IGHMBP2: variants seen among roughly 807,000 people sequenced by gnomAD.
The protein encoded by IGHMBP2 is DNA-binding protein SMUBP-2.
A neutral mutation model predicts 96.0 loss-of-function variants in IGHMBP2; 81 were observed. The observed-to-expected ratio is 0.84, with a 90% CI of 0.71 to 1.01. The LOEUF is 1.01. IGHMBP2 is among the 50% of genes least tolerant of loss of function. IGHMBP2 has a pLI of 0.00. For synonymous variants in IGHMBP2, 557 were observed against 548.9 expected (o/e 1.01, Z -0.21); for missense variants, 1,227 against 1,306.3 (o/e 0.94, Z 0.94).
intron 5 of IGHMBP2, 40 bp downstream of exon 5, chr11:68,911,643 C>T: frequency 1.9e-6 from 3 of 1,603,758 alleles, no homozygotes; most frequent in African/African-American, 1.3e-5. Context: ...AGCCCGTCCG[C>T]TCCTGGTCTG....
chr11:68,936,394 G>T lies in IGHMBP2; in HGVS notation c.1914G>T (p.Thr638=). The change falls in exon 13 of 15, where the codon ACG becomes ACT. Residue 638 remains threonine, a synonymous_variant. Coordinates refer to ENST00000255078, the MANE Select transcript of IGHMBP2 (RefSeq NM_002180.3). The part of the protein sequence containing the change: ...EYFTQHGEVR[T]AFEYLDDIVP... Reference sequence around the variant, plus strand: ...TCACACAGCATGGGGAAGTACGCACGGCCTTTGAGTATCTTGACGATATTG... The same window carrying T: ...TCACACAGCATGGGGAAGTACGCACTGCCTTTGAGTATCTTGACGATATTG... 6.2e-7 allele frequency: 1 copy of T among 1,614,190 alleles called. No homozygotes were observed. The highest frequency in any genetic ancestry group is 8.5e-7 in the Non-Finnish European group (1 of 1,180,040).
intron 11 of IGHMBP2, among the ~76,000 whole-genome samples, chr11:68,935,013 A>G (rs1330602289): frequency 3.3e-5 from 5 of 152,376 alleles, no homozygotes; most frequent in African/African-American, 1.2e-4. Context: ...GGAAGTGGCC[A>G]TCATACCTTC....
At chr11:68,909,185 T>TA (rs1555242834) in intron 4 of IGHMBP2, among the ~76,000 whole-genome samples, 4 of 11,044 alleles carry the variant, frequency 3.6e-4, no homozygotes, top group African/African-American at 1.2e-3. Context: ...GCGGGGGGGG[T>TA]GGAGGGGGGG....
In IGHMBP2 at chr11:68,906,166, C is replaced by T. The variant is rs768631087; in HGVS notation, c.184C>T (p.Arg62Trp). 5.0e-6 allele frequency: 8 copies of T among 1,614,052 alleles called. No homozygotes were observed. Among genetic ancestry groups the T allele is most frequent in the Admixed American group, 1.7e-5 (1 of 59,990 alleles). The stretch of plus-strand genomic sequence containing the variant: ...CAGCCAGCGCACTGGGCTGTACGGA[C>T]GGCTGCTGGTCACCTTTGAGCCCAG... ...VSSQRTGLYG[R>W]LLVTFEPRRY... Residue 62 changes from arginine to tryptophan, a missense_variant, in exon 2 of 15, where the codon CGG (arginine) becomes TGG (tryptophan). This residue lies in a region of IGHMBP2 where 507 missense variants were observed against 496.9 expected (regional missense o/e 1.02). Coordinates refer to ENST00000255078, the MANE Select transcript of IGHMBP2 (RefSeq NM_002180.3).
chr11:68,913,159 G>T (rs1858512876), intron 5 of IGHMBP2, among the ~76,000 whole-genome samples: 1 of 151,966 alleles, frequency 6.6e-6, no homozygotes, highest in Non-Finnish European at 1.5e-5. Flanking sequence ...CAGAGCGCAG[G>T]GAAGCCTGTC....
At chr11:68,919,193 G>A (rs1161963719) in intron 7 of IGHMBP2, among the ~76,000 whole-genome samples, 2 of 136,668 alleles carry the variant, frequency 1.5e-5, no homozygotes, top group African/African-American at 5.3e-5. Flanking sequence ...TCCCCTCCCC[G>A]TCCCCGTCCC....
At chr11:68,910,099 C>G (rs1858373702) in intron 4 of IGHMBP2, among the ~76,000 whole-genome samples, 1 of 152,220 alleles carries the variant, frequency 6.6e-6, no homozygotes, top group Admixed American at 6.5e-5. Context: ...TACCCCACAG[C>G]TATTTTCTAT....
chr11:68,906,277 T>A, intron 2 of IGHMBP2, 39 bp downstream of exon 2: 1 of 1,604,078 alleles, frequency 6.2e-7, no homozygotes. Context: ...TGAAATTTAC[T>A]GGCATTCAGA....
rs79778807 is a variant in IGHMBP2, at chr11:68,917,631, G to C, written c.913-105G>C. 383 of 924,862 alleles carry C rather than the reference G, an allele frequency of 4.1e-4. 4 individuals carry two copies. The East Asian group carries it at 9.1e-3, about 22-fold the overall frequency. 57.3% of individuals were successfully genotyped at this position (924,862 alleles called of 1,614,324 possible). On this transcript the variant is annotated intron_variant, in intron 6 of 14. Transcript: ENST00000255078. ...AGGAAGATTTCTGAGTGTTTTTTACGGAGTTTATTGAACTGGACTGAATGA... is the reference window on the plus strand; with the variant it reads ...AGGAAGATTTCTGAGTGTTTTTTACCGAGTTTATTGAACTGGACTGAATGA...
chr11:68,908,410 C>A (rs186709308), intron 3 of IGHMBP2, 73 bp downstream of exon 3: 1 of 1,507,544 alleles, frequency 6.6e-7, no homozygotes, highest in South Asian at 1.1e-5. Flanking sequence ...ACATGCCTGT[C>A]GCACAAAAGA....
At chr11:68,928,397 G>A (rs928853830) in intron 7 of IGHMBP2, among the ~76,000 whole-genome samples, 1 of 152,236 alleles carries the variant, frequency 6.6e-6, no homozygotes, top group African/African-American at 2.4e-5. Context: ...CATCTCTGAA[G>A]AGTCAATCTT....
At chr11:68,908,904 G>A (rs185327554) in intron 4 of IGHMBP2, among the ~76,000 whole-genome samples, 48 of 150,048 alleles carry the variant, frequency 3.2e-4, no homozygotes, top group African/African-American at 1.1e-3. Flanking sequence ...GCAGTGGCGC[G>A]ATCTCAGCTC....
intron 8 of IGHMBP2, chr11:68,930,517 G>C: frequency 7.9e-7 from 1 of 1,259,236 alleles, no homozygotes; most frequent in African/African-American, 1.5e-5. Context: ...GTGGAAGAAA[G>C]AGGAGTGCTG....
At chr11:68,929,963 G>GGGCCCCC in intron 8 of IGHMBP2, 2 of 1,044,778 alleles carry the variant, frequency 1.9e-6, no homozygotes, top group Non-Finnish European at 2.3e-6. Flanking sequence ...AGAAAGTGCT[G>GGGCCCCC]CCCGCCCCCC....
At position 68,936,877 on chromosome 11, in the gene IGHMBP2, C is replaced by T. The variant is rs763818374; in HGVS notation, c.2397C>T (p.Thr799=). The T allele has an allele frequency of 1.2e-5, 20 of 1,610,750 alleles. No homozygotes were observed. The Admixed American group carries it at 1.8e-4, about 15-fold the overall frequency. ...PRAALGPPAG[T]GGPAPLQPVP... is the part of the protein sequence containing the mutation. ...CAGCCCTGGGACCCCCAGCAGGGAC[C>T]GGTGGCCCAGCCCCTCTCCAGCCAG... The change falls in exon 13 of 15, where the codon ACC becomes ACT. Residue 799 remains threonine, a synonymous_variant. Coordinates refer to ENST00000255078, the MANE Select transcript of IGHMBP2 (RefSeq NM_002180.3).
chr11:68,923,436 C>T (rs1034546679), intron 7 of IGHMBP2, among the ~76,000 whole-genome samples: 1 of 152,124 alleles, frequency 6.6e-6, no homozygotes, highest in African/African-American at 2.4e-5. Context: ...CTCCTGACCT[C>T]AAGTGATCTG....
At chr11:68,905,400 AC>A (rs1858150347) in intron 1 of IGHMBP2, among the ~76,000 whole-genome samples, 1 of 152,098 alleles carries the variant, frequency 6.6e-6, no homozygotes, top group Non-Finnish European at 1.5e-5. Context: ...GATGATTCCC[AC>A]CTCACAGGCT....
chr11:68,909,423 A>G (rs997845348), intron 4 of IGHMBP2, among the ~76,000 whole-genome samples: 5 of 151,328 alleles, frequency 3.3e-5, no homozygotes, highest in African/African-American at 1.2e-4. Flanking sequence ...CAAGTGATCT[A>G]CTCACCTCAG....
rs764900781 is a variant in IGHMBP2 at position 68,936,246 on chromosome 11, G to T, written c.1766G>T (p.Gly589Val). The part of the protein sequence containing the change: ...FVRSNRKGEV[G>V]FLAEDRRINV... ...CTCTGGCCTTTTGTAGGTGAAGTTG[G>T]TTTTCTTGCTGAGGACCGGAGGATC... Residue 589 changes from glycine to valine, a missense_variant, in exon 13 of 15, where the codon GGT becomes GTT. This residue lies in a region of IGHMBP2 where 703 missense variants were observed against 770.3 expected (regional missense o/e 0.91). Coordinates refer to ENST00000255078, the MANE Select transcript of IGHMBP2 (RefSeq NM_002180.3). 8.1e-6 allele frequency: 13 copies of T among 1,614,150 alleles called. No individual in the cohort carries two copies. The South Asian group carries it at 1.4e-4, about 18-fold the overall frequency.
Sources: gnomAD v4.1 joint callset for allele counts (sites outside exome capture counted in the v4.1 genomes callset) on GRCh38, gnomAD v4.1.1 for gene constraint, gnomAD v4.1.1 regional missense constraint, MANE v1.5 for transcripts, NCBI Gene and HGNC (gene_info 2026-07-23, HGNC 2026-07-21) for gene names.